FGF14: variants seen among roughly 807,000 people sequenced by gnomAD.
The protein encoded by FGF14 is fibroblast growth factor 14.
A neutral mutation model predicts 25.5 loss-of-function variants in FGF14; 5 were observed. The observed-to-expected ratio is 0.20, with a 90% CI of 0.10 to 0.41. FGF14 has a LOEUF of 0.41. Ranked by LOEUF, FGF14 falls within the 10% of genes least tolerant of loss-of-function variation. The pLI is 1.00. For synonymous variants in FGF14, 138 were observed against 118.3 expected (o/e 1.17, Z -1.08); for missense variants, 222 against 320.1 (o/e 0.69, Z 2.34).
intron 1 of FGF14, among the ~76,000 whole-genome samples, chr13:102,308,151 CA>C (rs1316759988): frequency 6.6e-6 from 1 of 152,142 alleles, no homozygotes. Flanking sequence ...TTTCAGTTAA[CA>C]GATTTCCAGA....
At chr13:102,040,178 G>A (rs664972) in intron 1 of FGF14, among the ~76,000 whole-genome samples, 5,221 of 152,142 alleles carry the variant, frequency 0.034, 275 homozygotes, top group African/African-American at 0.12. Flanking sequence ...CTCTAAAAAT[G>A]TCTCTCTTGC....
At chr13:102,183,741 A>T (rs966264653) in intron 1 of FGF14, among the ~76,000 whole-genome samples, 1 of 152,234 alleles carries the variant, frequency 6.6e-6, no homozygotes, top group African/African-American at 2.4e-5. Context: ...GAAATATAGC[A>T]GAGAGGCCAT....
At chr13:102,254,330 G>C (rs2052340021) in intron 1 of FGF14, among the ~76,000 whole-genome samples, 1 of 152,140 alleles carries the variant, frequency 6.6e-6, no homozygotes, top group African/African-American at 2.4e-5. Context: ...AAGTCAGCCT[G>C]GGGGATCTAC....
chr13:101,969,315 G>A (rs1214944715), intron 1 of FGF14, among the ~76,000 whole-genome samples: 1 of 152,168 alleles, frequency 6.6e-6, no homozygotes, highest in African/African-American at 2.4e-5. Flanking sequence ...TGTAATCCCA[G>A]CACTTTGGGA....
intron 1 of FGF14, among the ~76,000 whole-genome samples, chr13:102,041,781 G>A (rs1489765129): frequency 1.3e-5 from 2 of 152,128 alleles, no homozygotes; most frequent in Non-Finnish European, 2.9e-5. Flanking sequence ...TTCTAGAAGT[G>A]TCTCCTTGGG....
At chr13:101,996,889 C>A (rs2039214794) in intron 1 of FGF14, among the ~76,000 whole-genome samples, 1 of 152,218 alleles carries the variant, frequency 6.6e-6, no homozygotes, top group Non-Finnish European at 1.5e-5. Context: ...AATCCACCAG[C>A]ACCCTAATTA....
At chr13:102,015,011 G>A (rs904699589) in intron 1 of FGF14, among the ~76,000 whole-genome samples, 11 of 152,120 alleles carry the variant, frequency 7.2e-5, no homozygotes, top group South Asian at 2.1e-4. Context: ...GAGTTCAAGC[G>A]GTTCTCCTAC....
rs2034937622 is a variant in FGF14 at position 101,721,014 on chromosome 13, A to G, written c.*1817T>C. ...ATGAAGAAGATTTATGAAAGCAGTGACAAAATAATTTCCCAATAAATACAG... is the reference window on the plus strand; with the variant it reads ...ATGAAGAAGATTTATGAAAGCAGTGGCAAAATAATTTCCCAATAAATACAG... On this transcript the variant is annotated 3_prime_UTR_variant, in exon 5 of 5. Coordinates refer to ENST00000376143, the MANE Select transcript of FGF14 (RefSeq NM_004115.4). The G allele has an allele frequency of 6.6e-6, 1 of 152,158 alleles. No individual in the cohort carries two copies. The highest frequency in any genetic ancestry group is 6.5e-5 in the Admixed American group (1 of 15,272). The allele number at this position is 152,158 out of a possible 1,614,324, so 9.4% of individuals were successfully genotyped here.
intron 1 of FGF14, among the ~76,000 whole-genome samples, chr13:101,982,512 GA>G (rs1265534574): frequency 6.6e-6 from 1 of 152,170 alleles, no homozygotes; most frequent in Non-Finnish European, 1.5e-5. Flanking sequence ...TAACAGTGAT[GA>G]ATTAAAAGGC....
chr13:102,398,605 A>G (rs967760973), intron 1 of FGF14, among the ~76,000 whole-genome samples: 13 of 152,116 alleles, frequency 8.5e-5, no homozygotes, highest in Admixed American at 5.2e-4. Flanking sequence ...GTAGTAGTCA[A>G]TCTGTTCCTT....
chr13:101,982,654 A>G (rs1213643792), intron 1 of FGF14, among the ~76,000 whole-genome samples: 1 of 152,160 alleles, frequency 6.6e-6, no homozygotes, highest in Non-Finnish European at 1.5e-5. Context: ...GGCCTCACAA[A>G]AGCTTAAGGA....
chr13:102,129,743 G>T (rs2046110962), intron 1 of FGF14, among the ~76,000 whole-genome samples: 1 of 152,006 alleles, frequency 6.6e-6, no homozygotes, highest in Non-Finnish European at 1.5e-5. Context: ...TGTAAATGAT[G>T]AGTTAATGGG....
At chr13:102,185,178 C>G (rs1317486180) in intron 1 of FGF14, among the ~76,000 whole-genome samples, 2 of 152,010 alleles carry the variant, frequency 1.3e-5, no homozygotes, top group African/African-American at 4.8e-5. Context: ...CTCTACAAAG[C>G]ACATGCCTCA....
intron 1 of FGF14, among the ~76,000 whole-genome samples, chr13:102,110,746 C>A (rs1162490302): frequency 7.4e-6 from 1 of 135,666 alleles, no homozygotes; most frequent in African/African-American, 2.5e-5. Context: ...GTCACCAAGC[C>A]TTCTAGGGAA....
chr13:102,239,505 G>C (rs1293813363), intron 1 of FGF14, among the ~76,000 whole-genome samples: 1 of 152,136 alleles, frequency 6.6e-6, no homozygotes, highest in Non-Finnish European at 1.5e-5. Flanking sequence ...AAGGCTTACG[G>C]AAGACTCCTA....
At chr13:102,237,169 T>C (rs2051366094) in intron 1 of FGF14, among the ~76,000 whole-genome samples, 1 of 152,206 alleles carries the variant, frequency 6.6e-6, no homozygotes, top group Admixed American at 6.5e-5. Context: ...TGATAGAGCG[T>C]TATCTCAACA....
intron 1 of FGF14, among the ~76,000 whole-genome samples, chr13:102,292,088 G>A (rs2054435007): frequency 6.6e-6 from 1 of 151,980 alleles, no homozygotes; most frequent in Non-Finnish European, 1.5e-5. Flanking sequence ...CAGAATGGCT[G>A]GCTGGCCGGA....
chr13:101,881,384 C>A (rs1315822971), intron 1 of FGF14, among the ~76,000 whole-genome samples: 1 of 152,156 alleles, frequency 6.6e-6, no homozygotes, highest in Admixed American at 6.6e-5. Flanking sequence ...GCCAAAATAT[C>A]AAATCTATTG....
intron 1 of FGF14, among the ~76,000 whole-genome samples, chr13:102,242,117 A>G (rs2051632641): frequency 1.3e-5 from 2 of 152,126 alleles, no homozygotes; most frequent in African/African-American, 4.8e-5. Flanking sequence ...TGGGAGGCTA[A>G]AATAAAATGA....
Sources: allele counts gnomAD v4.1 joint callset (sites outside exome capture counted in the v4.1 genomes callset), GRCh38; gene constraint gnomAD v4.1.1; transcripts MANE v1.5; gene names NCBI Gene and HGNC (gene_info 2026-07-23, HGNC 2026-07-21).